The following BRCA1 variants were observed in gnomAD, a reference collection of about 807,000 sequenced individuals.
BRCA1 encodes the protein breast cancer type 1 susceptibility protein.
BRCA1 carries 140 observed loss-of-function variants against 173.7 expected under a neutral mutation model. The ratio of observed to expected loss-of-function variants is 0.81; its 90% CI spans 0.70 to 0.93. The LOEUF is 0.93. BRCA1 is among the 40% of genes least tolerant of loss of function. BRCA1 has a pLI of 0.00. For missense variants in BRCA1, 1,983 were observed against 2,172.5 expected, an observed-to-expected ratio of 0.91 and a Z score of 1.73; for synonymous variants, 662 against 756.0, an observed-to-expected ratio of 0.88 and a Z score of 2.04.
At chr17:43,128,068 A>G (rs1448830306), upstream of BRCA1, among the ~76,000 whole-genome samples, 1 of 148,004 alleles carries the variant, frequency 6.8e-6, no homozygotes, top group Non-Finnish European at 1.5e-5. Flanking sequence ...TGCCTGAGCC[A>G]GCAGCAGCAA....
intron 18 of BRCA1, among the ~76,000 whole-genome samples, chr17:43,057,993 C>G (rs1405160380): frequency 8.0e-6 from 1 of 125,244 alleles, no homozygotes; most frequent in Non-Finnish European, 1.5e-5. Context: ...GCACTCCAGC[C>G]TGGGTGACAG....
intron 2 of BRCA1, among the ~76,000 whole-genome samples, chr17:43,117,833 A>G (rs1338588507): frequency 6.6e-6 from 1 of 152,190 alleles, no homozygotes; most frequent in African/African-American, 2.4e-5. Context: ...GGCATTCCTG[A>G]GATTAGTTCA....
intron 1 of BRCA1, chr17:43,166,088 GTC>G (rs931573544): frequency 4.7e-5 from 7 of 148,586 alleles, no homozygotes; most frequent in African/African-American, 1.2e-4. Flanking sequence ...CTTTGACTTT[GTC>G]TCTCTCTTTG....
chr17:43,135,760 ATCT>A (rs1260639813), intron 1 of BRCA1, among the ~76,000 whole-genome samples: 3 of 152,120 alleles, frequency 2.0e-5, no homozygotes, highest in South Asian at 2.1e-4. Context: ...CCCTCCCCTG[ATCT>A]TCTGAATCGC....
upstream of BRCA1, chr17:43,125,609 C>T: frequency 3.4e-6 from 1 of 298,462 alleles, no homozygotes; most frequent in South Asian, 3.0e-5. Flanking sequence ...CTGAGTTTGC[C>T]ATAAAGTGCC....
In BRCA1 at chr17:43,093,961, C is replaced by T. The variant is rs761178502; in HGVS notation, c.1570G>A (p.Ala524Thr). 2.5e-6 allele frequency: 4 copies of T among 1,613,662 alleles called. No individual in the cohort carries two copies. In the South Asian group the frequency reaches 4.4e-5, roughly 18 times the overall value. ...ATCATTTCAGGAGTCTTTTGAACTG[C>T]CAAATCTGCTTTCTTGATAAAATCC... ...PEDFIKKADL[A>T]VQKTPEMINQ... Residue 524 changes from alanine to threonine, a missense_variant, in exon 10 of 23, where the codon GCA becomes ACA. Transcript: ENST00000357654.
chr17:43,129,132 A>G (rs2055942822), upstream of BRCA1, among the ~76,000 whole-genome samples: 1 of 152,238 alleles, frequency 6.6e-6, no homozygotes. Flanking sequence ...GGACTTAACA[A>G]TAATGTCAAT....
At chr17:43,132,373 C>G (rs2055974764) in intron 1 of BRCA1, among the ~76,000 whole-genome samples, 1 of 152,146 alleles carries the variant, frequency 6.6e-6, no homozygotes, top group Non-Finnish European at 1.5e-5. Context: ...GAGCCCCACA[C>G]TGTTTTAAGG....
intron 1 of BRCA1, among the ~76,000 whole-genome samples, chr17:43,151,194 A>C (rs1052359118): frequency 6.6e-6 from 1 of 152,272 alleles, no homozygotes; most frequent in Admixed American, 6.5e-5. Flanking sequence ...TACATAGCCA[A>C]GATAACATCA....
chr17:43,079,846 CA>C, intron 12 of BRCA1: 1 of 679,214 alleles, frequency 1.5e-6, no homozygotes. Context: ...ATTCTATCAC[CA>C]GAACATTTAG....
chr17:43,090,939 T>C lies in BRCA1; in HGVS notation c.4185+5A>G, dbSNP rs766330646. 1.2e-6 allele frequency: 2 copies of C among 1,607,124 alleles called. No individual in the cohort carries two copies. The highest frequency in any genetic ancestry group is 1.1e-5 in the South Asian group (1 of 89,820). ...CGCATGTGCACACACACACACGCTT[T>C]TTACCTGAGTGGTTAAAATGTCACT... On this transcript the variant is annotated splice_donor_5th_base_variant and intron_variant, in intron 11 of 22. Transcript: ENST00000357654.
chr17:43,055,167 A>C (rs2051407165), intron 19 of BRCA1, among the ~76,000 whole-genome samples: 1 of 152,202 alleles, frequency 6.6e-6, no homozygotes, highest in Admixed American at 6.5e-5. Context: ...GTAAGTGTGA[A>C]ATCTTGCAGA....
chr17:43,153,350 T>C (rs1435162649), intron 1 of BRCA1, among the ~76,000 whole-genome samples: 1 of 152,246 alleles, frequency 6.6e-6, no homozygotes, highest in Non-Finnish European at 1.5e-5. Flanking sequence ...CTGTGGCTAG[T>C]GAGCCTTATC....
intron 3 of BRCA1, among the ~76,000 whole-genome samples, chr17:43,113,271 T>C (rs569446512): frequency 1.3e-5 from 2 of 152,194 alleles, no homozygotes; most frequent in Non-Finnish European, 2.9e-5. Flanking sequence ...CTTCTCTTTC[T>C]TGCAAATGGC....
intron 16 of BRCA1, among the ~76,000 whole-genome samples, chr17:43,066,597 G>T (rs1331863353): frequency 1.3e-5 from 2 of 151,732 alleles, no homozygotes; most frequent in Non-Finnish European, 2.9e-5. Flanking sequence ...TTTTAGTAGA[G>T]ACTGGGTTTT....
At chr17:43,091,228 T>C in intron 10 of BRCA1, 196 bp from the exon 11 acceptor site, 1 of 858,954 alleles carries the variant, frequency 1.2e-6, no homozygotes, top group Non-Finnish European at 1.9e-6. Flanking sequence ...ATTAGGATGT[T>C]AAAGCTCATT....
chr17:43,104,083 A>AAAGAAGAAG, intron 6 of BRCA1, 39 bp downstream of exon 6: 1 of 1,124,682 alleles, frequency 8.9e-7, no homozygotes, highest in Non-Finnish European at 1.1e-6. Context: ...AAAAAAAAGA[A>AAAGAAGAAG]AAGAAGAAGA....
chr17:43,145,146 A>C, intron 1 of BRCA1: 2 of 709,142 alleles, frequency 2.8e-6, no homozygotes, highest in Non-Finnish European at 2.7e-6. Flanking sequence ...AACAGGCCGA[A>C]GTGGCTAACC....
intron 1 of BRCA1, among the ~76,000 whole-genome samples, chr17:43,131,769 T>G (rs180996945): frequency 6.6e-6 from 1 of 152,196 alleles, no homozygotes; most frequent in East Asian, 1.9e-4. Flanking sequence ...CTTTTCTCCT[T>G]TTCTTTCTTT....
Sources: allele counts gnomAD v4.1 joint callset (sites outside exome capture counted in the v4.1 genomes callset), GRCh38; gene constraint gnomAD v4.1.1; transcripts MANE v1.5; gene names NCBI Gene and HGNC (gene_info 2026-07-23, HGNC 2026-07-21).